Variants in HEATR3 observed in about 807,000 individuals in gnomAD.
The protein encoded by HEATR3 is HEAT repeat containing 3, also known as HEAT repeat-containing protein 3.
A neutral mutation model predicts 72.8 loss-of-function variants in HEATR3; 56 were observed. That is an observed-to-expected ratio of 0.77 (90% CI 0.62 to 0.96). HEATR3 has a LOEUF of 0.96. Among genes scored for constraint, HEATR3 ranks in the 40% least tolerant of loss-of-function variants. The pLI is 0.00. For missense variants in HEATR3, 747 were observed against 831.4 expected, an observed-to-expected ratio of 0.90 and a Z score of 1.25; for synonymous variants, 331 against 318.1, an observed-to-expected ratio of 1.04 and a Z score of -0.43.
rs563897964 is a variant in HEATR3, at chr16:50,104,129, C to T, written c.1921-810C>T. ...CTATGGAAGGCCAAGGTGGTAGGAT[C>T]ACTTGAGCCCACGAGTTCAAGACCA... is the stretch of plus-strand genomic sequence containing the variant. On this transcript the variant is annotated intron_variant, in intron 14 of 14. Coordinates refer to ENST00000299192, the MANE Select transcript of HEATR3 (RefSeq NM_182922.4). 1.3e-4 allele frequency among the ~76,000 whole-genome samples: 20 copies of T among 152,230 alleles called. 1 individual carries two copies. The highest frequency in any genetic ancestry group is 2.4e-4 in the Non-Finnish European group (16 of 68,024).
rs1357772202 is a variant in HEATR3 at position 50,070,267 on chromosome 16, T to G, written c.489T>G (p.Thr163=). The G allele has an allele frequency of 1.3e-6, 2 of 1,594,588 alleles. No individual in the cohort carries two copies. Among genetic ancestry groups the G allele is most frequent in the Non-Finnish European group, 1.7e-6 (2 of 1,163,604 alleles). The stretch of plus-strand genomic sequence containing the variant: ...CTATTGAGAACATAGCCAATGAGAC[T>G]GTGAACGTGCTGTGGAATATATGGT... ...RNSIENIANE[T]VNVLWNICEC... The change falls in exon 4 of 15, where the codon ACT becomes ACG. Residue 163 remains threonine, a synonymous_variant. Coordinates refer to ENST00000299192, the MANE Select transcript of HEATR3 (RefSeq NM_182922.4).
intron 7 of HEATR3, 30 bp downstream of exon 7, chr16:50,079,048 A>T (rs558002263): frequency 1.7e-5 from 26 of 1,494,068 alleles, no homozygotes; most frequent in Middle Eastern, 1.9e-4. Context: ...TCAAATATGG[A>T]TTAATACAGC....
At chr16:50,101,936 T>G (rs1344088557) in intron 13 of HEATR3, among the ~76,000 whole-genome samples, 1 of 152,090 alleles carries the variant, frequency 6.6e-6, no homozygotes, top group East Asian at 1.9e-4. Context: ...TCGTTGTTGT[T>G]ACAGATAATA....
intron 7 of HEATR3, among the ~76,000 whole-genome samples, chr16:50,082,892 G>A (rs4591144): frequency 0.68 from 102,903 of 151,428 alleles, 35,231 homozygotes; most frequent in South Asian, 0.72. Flanking sequence ...CTGGGTTCAA[G>A]GGATTCTCCT....
chr16:50,103,927 A>C (rs917624736), intron 14 of HEATR3, among the ~76,000 whole-genome samples: 2 of 152,176 alleles, frequency 1.3e-5, no homozygotes, highest in African/African-American at 2.4e-5. Flanking sequence ...CTACTCAGGA[A>C]GCTGAGCAGG....
intron 14 of HEATR3, among the ~76,000 whole-genome samples, chr16:50,103,573 C>T (rs774033285): frequency 9.8e-5 from 15 of 152,296 alleles, no homozygotes; most frequent in Admixed American, 2.0e-4. Flanking sequence ...TGCAGGTCCT[C>T]GGCCCCAACT....
intron 7 of HEATR3, among the ~76,000 whole-genome samples, chr16:50,082,679 T>C (rs776237982): frequency 1.0e-4 from 15 of 150,398 alleles, no homozygotes; most frequent in Non-Finnish European, 2.1e-4. Context: ...TCAACACTTT[T>C]GGGAGGCTGA....
intron 5 of HEATR3, chr16:50,074,238 C>A (rs1167126314): frequency 6.6e-6 from 1 of 152,112 alleles, no homozygotes; most frequent in Non-Finnish European, 1.5e-5. Context: ...CCAGAAATAA[C>A]CCTAACTTTG....
intron 6 of HEATR3, among the ~76,000 whole-genome samples, chr16:50,076,286 CA>C (rs1269844632): frequency 1.3e-5 from 2 of 151,744 alleles, no homozygotes; most frequent in East Asian, 3.9e-4. Flanking sequence ...CTCCCAGGTT[CA>C]AGTGATTCTC....
At chr16:50,084,773 C>A in intron 10 of HEATR3, 122 bp downstream of exon 10, 2 of 661,412 alleles carry the variant, frequency 3.0e-6, no homozygotes, top group Non-Finnish European at 5.2e-6. Context: ...GGTATATATA[C>A]CAGAAAAATA....
rs2037343607 is a variant in HEATR3 at position 50,100,537 on chromosome 16, C to T, written c.1743+164C>T. On this transcript the variant is annotated intron_variant, in intron 13 of 14. Coordinates refer to ENST00000299192, the MANE Select transcript of HEATR3 (RefSeq NM_182922.4). Reference sequence around the variant, plus strand: ...GAATATACCCTTTGGCTTGATCTAACTATGTGTATTAATTAGGTAAGTATT... The same window carrying T: ...GAATATACCCTTTGGCTTGATCTAATTATGTGTATTAATTAGGTAAGTATT... 4.8e-6 allele frequency: 3 copies of T among 619,360 alleles called. No homozygotes were observed. In the African/African-American group the frequency reaches 5.7e-5, roughly 12 times the overall value. 38.4% of individuals were successfully genotyped at this position (619,360 alleles called of 1,614,324 possible).
At position 50,068,793 on chromosome 16, in the gene HEATR3, T is replaced by G. The variant is rs1230596820; in HGVS notation, c.325T>G (p.Cys109Gly). Residue 109 changes from cysteine (C) to glycine (G), a missense_variant, in exon 3 of 15, where the codon TGT (cysteine) becomes GGT (glycine). Transcript: ENST00000299192. ...CTTCTTGTGTAGAAATCTCAGTGCT[T>G]GTGGAGGTTTTGAAGTTTGTGATGA... Reference protein sequence around the residue: ...AAGALRNLSACGGFEVCDDMV... With the variant: ...AAGALRNLSAGGGFEVCDDMV... 6.2e-7 allele frequency: 1 copy of G among 1,613,302 alleles called. No individual in the cohort carries two copies. The highest frequency in any genetic ancestry group is 1.3e-5 in the African/African-American group (1 of 74,868).
chr16:50,092,436 C>CTT (rs375532097), intron 11 of HEATR3, among the ~76,000 whole-genome samples: 1 of 106,028 alleles, frequency 9.4e-6, no homozygotes. Flanking sequence ...TTTCTTTTTT[C>CTT]TTTTTTTTTT....
chr16:50,091,580 A>G (rs2037112108), intron 11 of HEATR3, among the ~76,000 whole-genome samples: 1 of 152,020 alleles, frequency 6.6e-6, no homozygotes, highest in Non-Finnish European at 1.5e-5. Context: ...ATTCTTAAAT[A>G]TTGTTCAAAG....
At chr16:50,072,750 T>C in intron 5 of HEATR3, 36 bp downstream of exon 5, 1 of 1,311,508 alleles carries the variant, frequency 7.6e-7, no homozygotes, top group Non-Finnish European at 1.1e-6. Flanking sequence ...ATTAAGAATG[T>C]GTAGCCTTAT....
At chr16:50,075,534 T>C (rs1415021714) in intron 5 of HEATR3, 37 bp from the exon 6 acceptor site, 1 of 1,577,042 alleles carries the variant, frequency 6.3e-7, no homozygotes, top group Non-Finnish European at 8.7e-7. Flanking sequence ...CAAAGCAGAA[T>C]TCATTTGTTT....
chr16:50,070,013 G>C (rs1339053838), intron 3 of HEATR3, among the ~76,000 whole-genome samples, 165 bp from the exon 4 acceptor site: 1 of 152,142 alleles, frequency 6.6e-6, no homozygotes, highest in Non-Finnish European at 1.5e-5. Flanking sequence ...CATTTATTAG[G>C]TAAAATACTT....
At chr16:50,095,517 T>C (rs1450437042) in intron 12 of HEATR3, among the ~76,000 whole-genome samples, 1 of 151,800 alleles carries the variant, frequency 6.6e-6, no homozygotes, top group Admixed American at 6.6e-5. Flanking sequence ...CTTACCACTT[T>C]TGCTACTTTT....
chr16:50,104,940 T>TA lies in HEATR3; in HGVS notation c.1923dup (p.Arg642ThrfsTer2), dbSNP rs1567452357. 6.3e-7 allele frequency: 1 copy of TA among 1,577,680 alleles called. No homozygotes were observed. Among genetic ancestry groups the TA allele is most frequent in the Non-Finnish European group, 8.6e-7 (1 of 1,168,954 alleles). On this transcript the variant is annotated frameshift_variant and splice_region_variant, in exon 15 of 15. Transcript: ENST00000299192. LOFTEE classifies it high-confidence loss of function. ...TGATTTTTTGTTTTTTGTTTGCAGA[T>TA]ACGTAAAGAAGGGAGAGGTAACTAT...
Sources: allele counts gnomAD v4.1 joint callset (sites outside exome capture counted in the v4.1 genomes callset), GRCh38; gene constraint gnomAD v4.1.1; transcripts MANE v1.5; gene names NCBI Gene and HGNC (gene_info 2026-07-23, HGNC 2026-07-21).